The following FMN2 variants were observed in gnomAD, a reference collection of about 807,000 sequenced individuals.
The protein encoded by FMN2 is formin-2.
A neutral mutation model predicts 142.3 loss-of-function variants in FMN2; 51 were observed. That is an observed-to-expected ratio of 0.36 (90% CI 0.29 to 0.45). The LOEUF (loss-of-function observed/expected upper bound fraction) is 0.45. FMN2 is among the 20% of genes least tolerant of loss of function. The probability of loss-of-function intolerance (pLI) is 1.00; values close to 1 mark genes in which losing one functional copy is unlikely to be tolerated. For synonymous variants in FMN2, 882 were observed against 869.8 expected, an observed-to-expected ratio of 1.01 and a Z score of -0.25; for missense variants, 1,936 against 2,122.8, an observed-to-expected ratio of 0.91 and a Z score of 1.73.
At chr1:240,218,281 C>CAA (rs60722656) in intron 6 of FMN2, among the ~76,000 whole-genome samples, 11 of 92,964 alleles carry the variant, frequency 1.2e-4, no homozygotes, top group East Asian at 3.7e-4. Context: ...GACTCTGTCT[C>CAA]AAAAAAAAAA....
chr1:240,406,153 A>AGCAGCC lies in FMN2; in HGVS notation c.4910+13591_4910+13592insGCAGCC. 3.3e-5 allele frequency among the ~76,000 whole-genome samples: 2 copies of AGCAGCC among 61,016 alleles called. 1 individual carries two copies. The highest frequency in any genetic ancestry group is 1.5e-3 in the East Asian group (2 of 1,294). The allele number at this position is 61,016 out of a possible 152,430, so 40.0% of individuals were successfully genotyped here. ...CTCGGGAGTGGGGGGAGCGAAGGGAATCAGCCTCGGGAGTGGGGGGAGCGA... is the reference window on the plus strand; with the variant it reads ...CTCGGGAGTGGGGGGAGCGAAGGGAAGCAGCCTCAGCCTCGGGAGTGGGGGGAGCGA... On this transcript the variant is annotated intron_variant, in intron 15 of 17. Transcript: ENST00000319653.
At position 240,407,219 on chromosome 1, in the gene FMN2, C is replaced by T. The variant is rs78601508; in HGVS notation, c.4910+14657C>T. On this transcript the variant is annotated intron_variant, in intron 15 of 17. Transcript: ENST00000319653. ...GTGGTGCGATCTCGGCTTACCGCAA[C>T]CTCCGCTGCCCGGGTTCAAGAGATT... Among the ~76,000 whole-genome samples, 399 of 152,044 alleles carry T rather than the reference C, an allele frequency of 2.6e-3. 16 individuals carry two copies. In the East Asian group the frequency reaches 0.071, roughly 27 times the overall value.
chr1:240,280,699 G>A (rs867079714), intron 7 of FMN2, among the ~76,000 whole-genome samples: 36 of 152,180 alleles, frequency 2.4e-4, no homozygotes, highest in Admixed American at 3.3e-4. Context: ...AGTACAGTGC[G>A]TTGTTTGAAA....
chr1:240,306,731 G>A (rs1670422153), intron 8 of FMN2, among the ~76,000 whole-genome samples: 1 of 152,148 alleles, frequency 6.6e-6, no homozygotes, highest in African/African-American at 2.4e-5. Context: ...TGTCTTTTTG[G>A]TAGAATGATT....
chr1:240,358,508 T>A (rs921710161), intron 14 of FMN2, among the ~76,000 whole-genome samples: 1 of 152,162 alleles, frequency 6.6e-6, no homozygotes, highest in African/African-American at 2.4e-5. Context: ...ACTGGGTAAT[T>A]TATAAAGAAA....
chr1:240,105,978 C>T (rs1165564736), intron 1 of FMN2, among the ~76,000 whole-genome samples: 1 of 152,058 alleles, frequency 6.6e-6, no homozygotes. Flanking sequence ...GATTTCCATA[C>T]ACTTTTTGGG....
chr1:240,111,229 A>G (rs1380113731), intron 1 of FMN2, among the ~76,000 whole-genome samples: 1 of 152,186 alleles, frequency 6.6e-6, no homozygotes, highest in African/African-American at 2.4e-5. Flanking sequence ...GTCTAAGGCC[A>G]TACCTAGCAT....
chr1:240,404,513 A>G (rs1224143082), intron 15 of FMN2, among the ~76,000 whole-genome samples: 1 of 152,206 alleles, frequency 6.6e-6, no homozygotes, highest in Non-Finnish European at 1.5e-5. Flanking sequence ...AATGTAGAAC[A>G]AAGTTAGAGT....
At chr1:240,362,920 C>T (rs765075944) in intron 14 of FMN2, among the ~76,000 whole-genome samples, 2 of 152,296 alleles carry the variant, frequency 1.3e-5, no homozygotes, top group African/African-American at 4.8e-5. Flanking sequence ...TTTTCCCAAA[C>T]ATTTCTTCTT....
At chr1:240,387,444 G>A (rs1673443905) in intron 14 of FMN2, among the ~76,000 whole-genome samples, 1 of 152,162 alleles carries the variant, frequency 6.6e-6, no homozygotes, top group Admixed American at 6.5e-5. Context: ...ATCCCTTGTA[G>A]CAATTTTATT....
Position 240,440,310 on chromosome 1 carries a change from C to T in FMN2, c.5060+2100C>T, listed in dbSNP as rs559710442. ...TGCTCCCTAAGCATCCTCACAGCCC[C>T]ATCTAATACATGCCCCATGACAGCC... On this transcript the variant is annotated intron_variant, in intron 16 of 17. Transcript: ENST00000319653. Among the ~76,000 whole-genome samples the T allele has an allele frequency of 2.6e-5, 4 of 152,272 alleles. No homozygotes were observed. The East Asian group carries it at 5.8e-4, about 22-fold the overall frequency.
chr1:240,404,356 GAGATGAATAGAA>G (rs2103114725), intron 15 of FMN2, among the ~76,000 whole-genome samples: 1 of 152,314 alleles, frequency 6.6e-6, no homozygotes, highest in South Asian at 2.1e-4. Context: ...TAACTATCCG[GAGATGAATAGAA>G]AGACTACAGG....
intron 16 of FMN2, 125 bp from the exon 17 acceptor site, chr1:240,472,247 T>C (rs1572349123): frequency 2.9e-6 from 2 of 683,192 alleles, no homozygotes; most frequent in East Asian, 5.6e-5. Flanking sequence ...CATTCTTCTG[T>C]GTATTGTATT....
chr1:240,367,629 G>GCA, intron 14 of FMN2, among the ~76,000 whole-genome samples: 1 of 151,838 alleles, frequency 6.6e-6, no homozygotes, highest in Non-Finnish European at 1.5e-5. Flanking sequence ...TAAGCCGGGA[G>GCA]TGGTGGTGGG....
chr1:240,353,038 ATC>A (rs1014349360), intron 13 of FMN2, among the ~76,000 whole-genome samples: 1 of 152,194 alleles, frequency 6.6e-6, no homozygotes, highest in African/African-American at 2.4e-5. Flanking sequence ...TAGAACTAAC[ATC>A]TCTCTCTAAC....
At chr1:240,151,790 A>G (rs1217200298) in intron 2 of FMN2, among the ~76,000 whole-genome samples, 2 of 151,948 alleles carry the variant, frequency 1.3e-5, no homozygotes, top group African/African-American at 4.8e-5. Context: ...TTTTTGAGAT[A>G]GGGTCTTGCT....
chr1:240,119,016 T>A (rs1662131304), intron 1 of FMN2, among the ~76,000 whole-genome samples: 1 of 152,154 alleles, frequency 6.6e-6, no homozygotes, highest in Non-Finnish European at 1.5e-5. Context: ...TTGCCTCAGA[T>A]GTGAAGGATT....
intron 2 of FMN2, among the ~76,000 whole-genome samples, chr1:240,172,220 A>ACACACACACAC (rs1664732072): frequency 6.6e-6 from 1 of 152,174 alleles, no homozygotes; most frequent in African/African-American, 2.4e-5. Flanking sequence ...ACACACACAG[A>ACACACACACAC]AAAAGACATT....
At chr1:240,460,619 A>G (rs1277765924) in intron 16 of FMN2, among the ~76,000 whole-genome samples, 2 of 152,190 alleles carry the variant, frequency 1.3e-5, no homozygotes, top group Admixed American at 1.3e-4. Flanking sequence ...GAATAGAAAC[A>G]TAAATAAATA....
Sources: gnomAD v4.1 joint callset for allele counts (sites outside exome capture counted in the v4.1 genomes callset) on GRCh38, gnomAD v4.1.1 for gene constraint, MANE v1.5 for transcripts, NCBI Gene and HGNC (gene_info 2026-07-23, HGNC 2026-07-21) for gene names.